Variants in PPP4R4 observed in about 807,000 individuals in gnomAD.
The protein encoded by PPP4R4 is protein phosphatase 4 regulatory subunit 4, also known as serine/threonine-protein phosphatase 4 regulatory subunit 4.
Under a neutral mutation model 121.8 loss-of-function variants are expected in PPP4R4, and 70 were observed. That is an observed-to-expected ratio of 0.57 (90% CI 0.47 to 0.70). The LOEUF is 0.70. Ranked by LOEUF, PPP4R4 falls within the 30% of genes least tolerant of loss-of-function variation. PPP4R4 has a pLI of 0.00. For missense variants in PPP4R4, 875 were observed against 1,033.6 expected (o/e 0.85, Z 2.10); for synonymous variants, 348 against 355.7 (o/e 0.98, Z 0.24).
intron 1 of PPP4R4, chr14:94,175,459 T>G (rs1235860502): frequency 2.0e-5 from 3 of 153,134 alleles, no homozygotes; most frequent in African/African-American, 7.2e-5. Context: ...GCTCCAACCT[T>G]TAGCGCCAGC....
intron 2 of PPP4R4, among the ~76,000 whole-genome samples, chr14:94,202,500 A>G (rs955190120): frequency 2.0e-5 from 3 of 152,210 alleles, no homozygotes; most frequent in African/African-American, 4.8e-5. Context: ...TTCTTTCACC[A>G]TTAAGTATGA....
chr14:94,210,518 T>G (rs970401256), intron 3 of PPP4R4, among the ~76,000 whole-genome samples: 3 of 152,090 alleles, frequency 2.0e-5, no homozygotes, highest in Non-Finnish European at 4.4e-5. Context: ...GAACATGTAC[T>G]AAGGAAACCT....
intron 3 of PPP4R4, among the ~76,000 whole-genome samples, chr14:94,219,383 G>A (rs1373273190): frequency 6.6e-6 from 1 of 151,788 alleles, no homozygotes; most frequent in East Asian, 1.9e-4. Flanking sequence ...AAATTATTTA[G>A]GTAAAAGTAA....
chr14:94,232,133 C>G lies in PPP4R4; in HGVS notation c.516+818C>G, dbSNP rs372098604. Among the ~76,000 whole-genome samples the G allele has an allele frequency of 9.9e-4, 151 of 152,174 alleles. 2 individuals are homozygous for G. Among genetic ancestry groups the G allele is most frequent in the African/African-American group, 3.5e-3 (145 of 41,542 alleles). ...CCTATTAATTTTCAACATTGAACAG[C>G]ATACTCTTCTCTAAAGACTTTAAAT... On this transcript the variant is annotated intron_variant, in intron 5 of 24. Coordinates refer to ENST00000304338, the MANE Select transcript of PPP4R4 (RefSeq NM_058237.2).
intron 2 of PPP4R4, among the ~76,000 whole-genome samples, chr14:94,203,279 A>T (rs912763702): frequency 1.3e-5 from 2 of 152,236 alleles, no homozygotes; most frequent in African/African-American, 2.4e-5. Context: ...ATGCTATATA[A>T]GTGGAATCAT....
chr14:94,197,468 A>G (rs1020095512), intron 2 of PPP4R4, among the ~76,000 whole-genome samples: 1 of 152,176 alleles, frequency 6.6e-6, no homozygotes, highest in African/African-American at 2.4e-5. Context: ...GGATTCAGGA[A>G]ATTTTAAAAA....
intron 1 of PPP4R4, 154 bp from the exon 2 acceptor site, chr14:94,175,900 C>G (rs1888654424): frequency 3.1e-6 from 2 of 641,174 alleles, no homozygotes; most frequent in African/African-American, 3.7e-5. Flanking sequence ...ATTGATGTCG[C>G]CTGGTATCCT....
At chr14:94,234,526 C>T in intron 6 of PPP4R4, 36 bp from the exon 7 acceptor site, 1 of 1,229,398 alleles carries the variant, frequency 8.1e-7, no homozygotes, top group Non-Finnish European at 1.2e-6. Context: ...CTGAAACACT[C>T]ATTCATTTGC....
At chr14:94,275,591 CT>C in intron 24 of PPP4R4, 70 bp downstream of exon 24, 1 of 1,510,046 alleles carries the variant, frequency 6.6e-7, no homozygotes, top group Non-Finnish European at 9.1e-7. Flanking sequence ...TTCCTTCCCA[CT>C]TAAGTACTTT....
At position 94,232,097 on chromosome 14, in the gene PPP4R4, C is replaced by A. The variant is rs527626947; in HGVS notation, c.516+782C>A. Among the ~76,000 whole-genome samples the A allele has an allele frequency of 5.9e-4, 90 of 152,208 alleles. 2 individuals are homozygous for A. In the South Asian group the frequency reaches 0.018, roughly 30 times the overall value. On this transcript the variant is annotated intron_variant, in intron 5 of 24. Transcript: ENST00000304338. ...TTATATTTACAAATATTATTCCCAG[C>A]ATGTTGTTTGCCTATTAATTTTCAA...
chr14:94,218,372 A>G (rs1891146568), intron 3 of PPP4R4, among the ~76,000 whole-genome samples: 1 of 147,650 alleles, frequency 6.8e-6, no homozygotes, highest in South Asian at 2.2e-4. Flanking sequence ...ACCCCTAGAC[A>G]CCGCACGCGC....
At chr14:94,260,776 CA>C (rs1354119554) in intron 19 of PPP4R4, among the ~76,000 whole-genome samples, 1 of 151,990 alleles carries the variant, frequency 6.6e-6, no homozygotes, top group East Asian at 1.9e-4. Flanking sequence ...CTTATCTGTT[CA>C]TTTATTAATG....
chr14:94,183,217 T>C (rs1451710174), intron 2 of PPP4R4, among the ~76,000 whole-genome samples: 1 of 152,140 alleles, frequency 6.6e-6, no homozygotes, highest in Non-Finnish European at 1.5e-5. Context: ...GGAGTGCTAT[T>C]CTCAGTCCCT....
Position 94,279,637 on chromosome 14 carries a change from T to C in PPP4R4, c.*994T>C, listed in dbSNP as rs549324063. The C allele has an allele frequency of 7.5e-4, 114 of 152,226 alleles. No individual in the cohort carries two copies. The highest frequency in any genetic ancestry group is 2.0e-3 in the African/African-American group (82 of 41,574). The allele number at this position is 152,226 out of a possible 1,614,324, so 9.4% of individuals were successfully genotyped here. On this transcript the variant is annotated 3_prime_UTR_variant, in exon 25 of 25. Coordinates refer to ENST00000304338, the MANE Select transcript of PPP4R4 (RefSeq NM_058237.2). ...AAAATATATTGATGTATGATAAAGA[T>C]GATCTAATTTGTGAATGCATATGTA...
chr14:94,183,505 AG>A (rs1889099891), intron 2 of PPP4R4, among the ~76,000 whole-genome samples: 1 of 152,190 alleles, frequency 6.6e-6, no homozygotes, highest in Non-Finnish European at 1.5e-5. Flanking sequence ...GTGAATATAA[AG>A]GGTTTGGAGA....
At chr14:94,188,581 G>GTA (rs934570600) in intron 2 of PPP4R4, among the ~76,000 whole-genome samples, 2 of 151,254 alleles carry the variant, frequency 1.3e-5, no homozygotes, top group Admixed American at 1.3e-4. Flanking sequence ...ATATATGTGT[G>GTA]TATACACACA....
chr14:94,241,840 T>A lies in PPP4R4; in HGVS notation c.1029T>A (p.Leu343=). 6.2e-7 allele frequency: 1 copy of A among 1,606,286 alleles called. No individual in the cohort carries two copies. Residue 343 remains leucine (L), a synonymous_variant, in exon 10 of 25, where the codon CTT becomes CTA. Coordinates refer to ENST00000304338, the MANE Select transcript of PPP4R4 (RefSeq NM_058237.2). ...HLRFLEFYKK[L]CTLGLQQENG... The stretch of plus-strand genomic sequence containing the variant: ...GATTTTTGGAATTTTATAAGAAACT[T>A]TGTACATTGGGTTTGCAACAAGAAA...
chr14:94,263,823 GA>G (rs1893899050), intron 19 of PPP4R4, among the ~76,000 whole-genome samples: 1 of 152,048 alleles, frequency 6.6e-6, no homozygotes, highest in African/African-American at 2.4e-5. Flanking sequence ...ATTTCCATTT[GA>G]TTTTTTTATG....
intron 2 of PPP4R4, among the ~76,000 whole-genome samples, chr14:94,179,852 G>C (rs536839271): frequency 1.3e-5 from 2 of 152,298 alleles, no homozygotes; most frequent in South Asian, 2.1e-4. Context: ...AAGCTTTCTT[G>C]TTGTTGTTCT....
Sources: allele counts gnomAD v4.1 joint callset (sites outside exome capture counted in the v4.1 genomes callset), GRCh38; gene constraint gnomAD v4.1.1; transcripts MANE v1.5; gene names NCBI Gene and HGNC (gene_info 2026-07-23, HGNC 2026-07-21).